Variants in EPB41L3 observed in about 807,000 individuals in gnomAD.
EPB41L3 encodes the protein erythrocyte membrane protein band 4.1 like 3.
A neutral mutation model predicts 127.1 loss-of-function variants in EPB41L3; 57 were observed. The observed-to-expected ratio is 0.45, with a 90% confidence interval of 0.36 to 0.56. The LOEUF (loss-of-function observed/expected upper bound fraction) is 0.56. Among genes scored for constraint, EPB41L3 ranks in the 20% least tolerant of loss-of-function variants. The pLI, the probability that EPB41L3 is intolerant of heterozygous loss-of-function variation, is 0.00. For synonymous variants in EPB41L3, 572 were observed against 549.5 expected (o/e 1.04, Z -0.57); for missense variants, 1,273 against 1,372.2 (o/e 0.93, Z 1.14).
intron 3 of EPB41L3, among the ~76,000 whole-genome samples, chr18:5,580,781 C>T (rs1327594946): frequency 2.0e-5 from 3 of 152,212 alleles, no homozygotes; most frequent in African/African-American, 4.8e-5. Flanking sequence ...CTTCCTGCTT[C>T]GTCTCCCTCC....
intron 2 of EPB41L3, among the ~76,000 whole-genome samples, chr18:5,612,816 C>T (rs1355684814): frequency 6.6e-6 from 1 of 152,220 alleles, no homozygotes; most frequent in Non-Finnish European, 1.5e-5. Context: ...TCTTGGCTCA[C>T]TGTAATCTCC....
At chr18:5,520,748 C>T (rs1274150982) in intron 1 of EPB41L3, among the ~76,000 whole-genome samples, 2 of 152,158 alleles carry the variant, frequency 1.3e-5, no homozygotes, top group Non-Finnish European at 2.9e-5. Context: ...CCTCAACTCC[C>T]ACCCACAAGG....
intron 2 of EPB41L3, among the ~76,000 whole-genome samples, chr18:5,481,837 T>C (rs185712035): frequency 2.4e-4 from 37 of 152,330 alleles, no homozygotes; most frequent in African/African-American, 8.7e-4. Flanking sequence ...CAAGGTGATC[T>C]GGGCTTAAAG....
At chr18:5,538,119 CTGAT>C (rs990652663) in intron 1 of EPB41L3, among the ~76,000 whole-genome samples, 93 of 152,194 alleles carry the variant, frequency 6.1e-4, no homozygotes, top group Non-Finnish European at 5.1e-4. Flanking sequence ...CTAAAGAACT[CTGAT>C]TGAGTTATTC....
chr18:5,407,535 A>G (rs114518622), intron 15 of EPB41L3, among the ~76,000 whole-genome samples, 166 bp downstream of exon 15: 2,086 of 152,352 alleles, frequency 0.014, 53 homozygotes, highest in African/African-American at 0.048. Context: ...GGAAAAGTAA[A>G]GGACACAGTT....
At position 5,408,245 on chromosome 18, in the gene EPB41L3, T is replaced by C. The variant is rs933202072; in HGVS notation, c.2122-509A>G. Among the ~76,000 whole-genome samples, 6 of 150,970 alleles carry C rather than the reference T, an allele frequency of 4.0e-5. No homozygotes were observed. In the East Asian group the frequency reaches 9.8e-4, roughly 25 times the overall value. On this transcript the variant is annotated intron_variant, in intron 14 of 22. Transcript: ENST00000341928. ...AGAGGTTCCCACATTTTAAAGTTTC[T>C]TGAGACCTTGATTTTCTTTTCTTTT...
chr18:5,566,899 G>C (rs534352027), intron 3 of EPB41L3, among the ~76,000 whole-genome samples: 1 of 151,808 alleles, frequency 6.6e-6, no homozygotes, highest in Non-Finnish European at 1.5e-5. Context: ...TCTGCCTCCC[G>C]GGTTCAAGCA....
intron 3 of EPB41L3, among the ~76,000 whole-genome samples, chr18:5,558,083 A>C (rs1330340866): frequency 6.6e-6 from 1 of 152,214 alleles, no homozygotes; most frequent in African/African-American, 2.4e-5. Context: ...ACATTCTGTC[A>C]CTTACGTTTC....
intron 15 of EPB41L3, chr18:5,407,371 C>A: frequency 2.5e-6 from 1 of 405,856 alleles, no homozygotes; most frequent in Non-Finnish European, 4.4e-6. Flanking sequence ...CAATACGAGC[C>A]CACAGGTATT....
chr18:5,532,810 C>G (rs953443027), intron 1 of EPB41L3, among the ~76,000 whole-genome samples: 17 of 152,024 alleles, frequency 1.1e-4, no homozygotes, highest in Non-Finnish European at 7.4e-5. Context: ...ATCTGAGCAG[C>G]ACGAAGGCCC....
At chr18:5,395,005 G>C in intron 21 of EPB41L3, 62 bp downstream of exon 21, 17 of 1,514,500 alleles carry the variant, frequency 1.1e-5, no homozygotes, top group Non-Finnish European at 1.5e-5. Flanking sequence ...CATTGAAACT[G>C]TAGGACCAAC....
intron 13 of EPB41L3, among the ~76,000 whole-genome samples, chr18:5,410,902 A>G (rs1318185613): frequency 6.6e-6 from 1 of 152,170 alleles, no homozygotes; most frequent in Non-Finnish European, 1.5e-5. Flanking sequence ...TCTCAGGGAA[A>G]CCGATTTGTC....
intron 13 of EPB41L3, among the ~76,000 whole-genome samples, chr18:5,412,868 TA>T (rs769861828): frequency 0.19 from 23,051 of 120,822 alleles, 4,077 homozygotes; most frequent in African/African-American, 0.47. Flanking sequence ...CACTCAGAGC[TA>T]AAAAAAAAAA....
intron 3 of EPB41L3, among the ~76,000 whole-genome samples, chr18:5,597,663 A>G (rs2094550074): frequency 6.6e-6 from 1 of 152,190 alleles, no homozygotes; most frequent in African/African-American, 2.4e-5. Flanking sequence ...GTGAATTCAG[A>G]ATTTAGGAAG....
At chr18:5,422,092 G>A (rs17466824) in intron 11 of EPB41L3, among the ~76,000 whole-genome samples, 19,434 of 151,856 alleles carry the variant, frequency 0.13, 1,458 homozygotes, top group Non-Finnish European at 0.17. Context: ...CGTCAAAGGC[G>A]GCCTTATTCC....
intron 5 of EPB41L3, among the ~76,000 whole-genome samples, chr18:5,439,137 G>A (rs575160182): frequency 6.6e-6 from 1 of 151,836 alleles, no homozygotes. Flanking sequence ...TAGAGCCTAG[G>A]TCCTGCTTGT....
intron 3 of EPB41L3, among the ~76,000 whole-genome samples, chr18:5,608,009 C>A (rs2094681322): frequency 6.6e-6 from 1 of 151,958 alleles, no homozygotes; most frequent in Admixed American, 6.6e-5. Context: ...AAAAACAGAC[C>A]CCTTCTTCTA....
intron 3 of EPB41L3, among the ~76,000 whole-genome samples, chr18:5,475,223 A>G (rs2147800923): frequency 6.6e-6 from 1 of 152,302 alleles, no homozygotes; most frequent in Non-Finnish European, 1.5e-5. Flanking sequence ...TTAAACAGGG[A>G]CCATTTATTA....
chr18:5,526,317 G>A (rs2093220155), intron 1 of EPB41L3, among the ~76,000 whole-genome samples: 1 of 152,200 alleles, frequency 6.6e-6, no homozygotes, highest in South Asian at 2.1e-4. Context: ...CACAAGAAAT[G>A]ATGATGGAGG....
Sources: gnomAD v4.1 joint callset for allele counts (sites outside exome capture counted in the v4.1 genomes callset) on GRCh38, gnomAD v4.1.1 for gene constraint, MANE v1.5 for transcripts, NCBI Gene and HGNC (gene_info 2026-07-23, HGNC 2026-07-21) for gene names.